Variants in ENDOG observed in about 807,000 individuals in gnomAD.
The protein encoded by ENDOG is endonuclease G.
In ENDOG, 22 loss-of-function variants were observed where a neutral mutation model predicts 22.6. The observed-to-expected ratio is 0.97, with a 90% CI of 0.70 to 1.39. The LOEUF (loss-of-function observed/expected upper bound fraction) is 1.39. ENDOG is among the 40% of genes most tolerant of loss of function. The pLI, the probability that ENDOG is intolerant of heterozygous loss-of-function variation, is 0.00. For synonymous variants in ENDOG, 173 were observed against 200.2 expected (o/e 0.86, Z 1.15); for missense variants, 403 against 431.3 (o/e 0.93, Z 0.58).
Position 128,818,674 on chromosome 9 carries a change from G to A in ENDOG, c.-11G>A. 1.7e-6 allele frequency: 2 copies of A among 1,164,848 alleles called. No individual in the cohort carries two copies. Among genetic ancestry groups the A allele is most frequent in the Non-Finnish European group, 2.1e-6 (2 of 944,976 alleles). The allele number at this position is 1,164,848 out of a possible 1,614,324, so 72.2% of individuals were successfully genotyped here. ...CTCGCGGGTCGCCCGCCGCTAGGTC[G>A]CTCCCCGGCCATGCGGGCGCTGCGG... On this transcript the variant is annotated 5_prime_UTR_variant, in exon 1 of 3. Coordinates refer to ENST00000372642, the MANE Select transcript of ENDOG (RefSeq NM_004435.2).
In ENDOG at chr9:128,818,503, C is replaced by A; in HGVS notation, c.-182C>A. The A allele has an allele frequency of 1.6e-6, 1 of 612,658 alleles. No homozygotes were observed. The highest frequency in any genetic ancestry group is 2.1e-6 in the Non-Finnish European group (1 of 470,996). 38.0% of individuals were successfully genotyped at this position (612,658 alleles called of 1,614,324 possible). A position where few individuals can be genotyped will look rare whatever the true frequency, so the allele number is the denominator to read the frequency against. Reference sequence around the variant, plus strand: ...GCGCAAAGAAAGGACGCCGGGGACACCCGGTTGGGCTCTGCTGCTCCCTTC... The same window carrying A: ...GCGCAAAGAAAGGACGCCGGGGACAACCGGTTGGGCTCTGCTGCTCCCTTC... On this transcript the variant is annotated 5_prime_UTR_variant, in exon 1 of 3. Coordinates refer to ENST00000372642, the MANE Select transcript of ENDOG (RefSeq NM_004435.2).
At position 128,819,085 on chromosome 9, in the gene ENDOG, G is replaced by T; in HGVS notation, c.401G>T (p.Gly134Val). ...YHRATNADYR[G>V]SGFDRGHLAA... ...CGTGCCACCAACGCCGACTACCGCG[G>T]CAGTGGCTTCGACCGCGGTCACCTG... is the stretch of plus-strand genomic sequence containing the variant. Residue 134 changes from glycine (G) to valine (V), a missense_variant, in exon 1 of 3, where the codon GGC becomes GTC. Physicochemically the swap from Gly to Val is moderately radical, Grantham distance 109. Transcript: ENST00000372642. 1 of 1,518,172 alleles carries T rather than the reference G, an allele frequency of 6.6e-7. No homozygotes were observed. Among genetic ancestry groups the T allele is most frequent in the Non-Finnish European group, 8.8e-7 (1 of 1,137,960 alleles). The allele number at this position is 1,518,172 out of a possible 1,614,324, so 94.0% of individuals were successfully genotyped here.
Position 128,818,795 on chromosome 9 carries a change from GGGCCGGCTGCCCGTGCTGCCCGT to G in ENDOG, c.115_137del (p.Arg39GlyfsTer137), listed in dbSNP as rs1487276329. On this transcript the variant is annotated frameshift_variant, in exon 1 of 3. Transcript: ENST00000372642. LOFTEE classifies it high-confidence loss of function. ...ACGCGCGGGCGGCGCCGGGACTGCT[GGGCCGGCTGCCCGTGCTGCCCGT>G]GGCGGCGGCAGCCGAGTTGCCCCCT... 5 of 1,243,968 alleles carry G rather than the reference GGGCCGGCTGCCCGTGCTGCCCGT, an allele frequency of 4.0e-6. No individual in the cohort carries two copies. In the East Asian group the frequency reaches 1.3e-4, roughly 33 times the overall value. The allele number at this position is 1,243,968 out of a possible 1,614,324, so 77.1% of individuals were successfully genotyped here. A position where few individuals can be genotyped will look rare whatever the true frequency, so the allele number is the denominator to read the frequency against.
Position 128,818,705 on chromosome 9 carries a change from C to T in ENDOG, c.21C>T (p.Gly7=), listed in dbSNP as rs1226382280. The part of the protein sequence containing the change: MRALRA[G]LTLASGAGLG... ...CGGCCATGCGGGCGCTGCGGGCCGG[C>T]CTGACCCTGGCGTCGGGCGCGGGGC... is the stretch of plus-strand genomic sequence containing the variant. Residue 7 remains glycine (G), a synonymous_variant, in exon 1 of 3, where the codon GGC becomes GGT. Transcript: ENST00000372642. The T allele has an allele frequency of 5.8e-5, 68 of 1,169,272 alleles. No homozygotes were observed. Among genetic ancestry groups the T allele is most frequent in the Non-Finnish European group, 7.0e-5 (66 of 948,092 alleles). 72.4% of individuals were successfully genotyped at this position (1,169,272 alleles called of 1,614,324 possible).
chr9:128,818,927 C>T lies in ENDOG; in HGVS notation c.243C>T (p.Tyr81=). The change falls in exon 1 of 3, where the codon TAC becomes TAT. Residue 81 remains tyrosine, a synonymous_variant. Coordinates refer to ENST00000372642, the MANE Select transcript of ENDOG (RefSeq NM_004435.2). ...CGCAGCTCAAGAGCCGCGAGTCGTA[C>T]GTGCTGTGCTACGACCCGCGCACCC... ...GLAQLKSRES[Y]VLCYDPRTRG... is the part of the protein sequence containing the mutation. 7 of 1,484,194 alleles carry T rather than the reference C, an allele frequency of 4.7e-6. No individual in the cohort carries two copies. The highest frequency in any genetic ancestry group is 6.2e-6 in the Non-Finnish European group (7 of 1,125,824). The allele number at this position is 1,484,194 out of a possible 1,614,324, so 91.9% of individuals were successfully genotyped here.
intron 2 of ENDOG, chr9:128,821,313 C>T (rs1248178266): frequency 5.5e-6 from 1 of 182,354 alleles, no homozygotes; most frequent in Admixed American, 6.1e-5. Context: ...CCCGCCTTCC[C>T]CATGCAGGTC....
intron 2 of ENDOG, 75 bp downstream of exon 2, chr9:128,820,923 T>C: frequency 4.4e-6 from 6 of 1,375,038 alleles, no homozygotes; most frequent in Non-Finnish European, 6.1e-6. Flanking sequence ...AGGGCCAGGC[T>C]TGCCCCAGGC....
intron 1 of ENDOG, among the ~76,000 whole-genome samples, chr9:128,819,467 G>A (rs541066261): frequency 2.6e-5 from 4 of 152,182 alleles, no homozygotes; most frequent in Non-Finnish European, 5.9e-5. Context: ...TTCCTCCTGC[G>A]GTAGTGATGA....
At position 128,822,331 on chromosome 9, in the gene ENDOG, A is replaced by G. The variant is rs760339620; in HGVS notation, c.615A>G (p.Thr205=). Residue 205 remains threonine, a synonymous_variant, in exon 3 of 3, where the codon ACA becomes ACG. Coordinates refer to ENST00000372642, the MANE Select transcript of ENDOG (RefSeq NM_004435.2). Reference sequence around the variant, plus strand: ...GTGTGCCTGGGTCTGCCCACAGGACAGAGGCTGATGGGAAATCCTACGTAA... The same window carrying G: ...GTGTGCCTGGGTCTGCCCACAGGACGGAGGCTGATGGGAAATCCTACGTAA... ...VCTGPLFLPR[T]EADGKSYVKY... 3.1e-6 allele frequency: 5 copies of G among 1,613,336 alleles called. No individual in the cohort carries two copies. In the South Asian group the frequency reaches 5.5e-5, roughly 18 times the overall value.
intron 2 of ENDOG, chr9:128,822,088 T>C (rs1830130669): frequency 3.5e-6 from 2 of 573,794 alleles, no homozygotes; most frequent in Admixed American, 3.0e-5. Context: ...GCAGCGTTTA[T>C]TGTCGCCCAC....
At position 128,818,949 on chromosome 9, in the gene ENDOG, A is replaced by G; in HGVS notation, c.265A>G (p.Thr89Ala). The stretch of plus-strand genomic sequence containing the variant: ...GTACGTGCTGTGCTACGACCCGCGC[A>G]CCCGCGGCGCGCTCTGGGTGGTGGA... The part of the protein sequence containing the change: ...ESYVLCYDPR[T>A]RGALWVVEQL... Residue 89 changes from threonine to alanine, a missense_variant, in exon 1 of 3, where the codon ACC becomes GCC. Transcript: ENST00000372642. The G allele has an allele frequency of 6.7e-7, 1 of 1,492,018 alleles. No individual in the cohort carries two copies. Among genetic ancestry groups the G allele is most frequent in the Non-Finnish European group, 8.9e-7 (1 of 1,129,096 alleles). The allele number at this position is 1,492,018 out of a possible 1,614,324, so 92.4% of individuals were successfully genotyped here. A position where few individuals can be genotyped will look rare whatever the true frequency, so the allele number is the denominator to read the frequency against.
rs1035934665 is a variant in ENDOG at position 128,819,075 on chromosome 9, G to A, written c.391G>A (p.Asp131Asn). The A allele has an allele frequency of 1.4e-5, 21 of 1,516,850 alleles. No individual in the cohort carries two copies. Among genetic ancestry groups the A allele is most frequent in the Non-Finnish European group, 1.8e-5 (21 of 1,138,408 alleles). 94.0% of individuals were successfully genotyped at this position (1,516,850 alleles called of 1,614,324 possible). A position where few individuals can be genotyped will look rare whatever the true frequency, so the allele number is the denominator to read the frequency against. Residue 131 changes from aspartate to asparagine, a missense_variant, in exon 1 of 3, where the codon GAC becomes AAC. Coordinates refer to ENST00000372642, the MANE Select transcript of ENDOG (RefSeq NM_004435.2). Reference sequence around the variant, plus strand: ...CGCGTACCACCGTGCCACCAACGCCGACTACCGCGGCAGTGGCTTCGACCG... The same window carrying A: ...CGCGTACCACCGTGCCACCAACGCCAACTACCGCGGCAGTGGCTTCGACCG... ...VHAYHRATNA[D>N]YRGSGFDRGH...
chr9:128,820,623 G>A (rs769368347), intron 1 of ENDOG, 116 bp from the exon 2 acceptor site: 88 of 820,956 alleles, frequency 1.1e-4, no homozygotes, highest in Non-Finnish European at 1.5e-4. Flanking sequence ...GTTTCCCCCC[G>A]CTTGTCTCAC....
Position 128,822,594 on chromosome 9 carries a change from C to T in ENDOG, c.878C>T (p.Thr293Met), listed in dbSNP as rs140555834. 29 of 1,569,310 alleles carry T rather than the reference C, an allele frequency of 1.8e-5. No individual in the cohort carries two copies. Among genetic ancestry groups the T allele is most frequent in the African/African-American group, 8.1e-5 (6 of 74,258 alleles). Residue 293 changes from threonine (T) to methionine (M), a missense_variant, in exon 3 of 3, where the codon ACG becomes ATG. Transcript: ENST00000372642. ...LARAGSLKAI[T>M]AGSK Reference sequence around the variant, plus strand: ...CGGGCAGGCAGCCTCAAGGCCATCACGGCGGGCAGTAAGTGAGGGTGGAGC... The same window carrying T: ...CGGGCAGGCAGCCTCAAGGCCATCATGGCGGGCAGTAAGTGAGGGTGGAGC...
At chr9:128,820,355 G>A (rs945393638) in intron 1 of ENDOG, 7 of 198,258 alleles carry the variant, frequency 3.5e-5, no homozygotes, top group East Asian at 1.3e-4. Context: ...GGCATTCCCC[G>A]CTAGGCTCTT....
rs1830049561 is a variant in ENDOG at position 128,818,881 on chromosome 9, A to G, written c.197A>G (p.Lys66Arg). Reference protein sequence around the residue: ...GGPRGPGELAKYGLPGLAQLK... With the variant: ...GGPRGPGELARYGLPGLAQLK... Reference sequence around the variant, plus strand: ...CCCCGCGGCCCGGGCGAGCTGGCCAAGTACGGGCTGCCGGGGCTGGCGCAG... The same window carrying G: ...CCCCGCGGCCCGGGCGAGCTGGCCAGGTACGGGCTGCCGGGGCTGGCGCAG... Residue 66 changes from lysine (K) to arginine (R), a missense_variant, in exon 1 of 3, where the codon AAG (lysine) becomes AGG (arginine). Lys to Arg is a conservative substitution (Grantham distance 26, BLOSUM62 2). Coordinates refer to ENST00000372642, the MANE Select transcript of ENDOG (RefSeq NM_004435.2). 6 of 1,458,562 alleles carry G rather than the reference A, an allele frequency of 4.1e-6. No homozygotes were observed. In the East Asian group the frequency reaches 1.5e-4, roughly 37 times the overall value. 90.4% of individuals were successfully genotyped at this position (1,458,562 alleles called of 1,614,324 possible).
Position 128,822,589 on chromosome 9 carries a change from C to T in ENDOG, c.873C>T (p.Ala291=). ...NILARAGSLK[A]ITAGSK ...TGGCGCGGGCAGGCAGCCTCAAGGC[C>T]ATCACGGCGGGCAGTAAGTGAGGGT... Residue 291 remains alanine (A), a synonymous_variant, in exon 3 of 3, where the codon GCC becomes GCT. Transcript: ENST00000372642. 6.4e-7 allele frequency: 1 copy of T among 1,569,910 alleles called. No individual in the cohort carries two copies. Among genetic ancestry groups the T allele is most frequent in the Non-Finnish European group, 8.6e-7 (1 of 1,157,382 alleles).
chr9:128,819,739 GC>G, intron 1 of ENDOG: 1 of 155,966 alleles, frequency 6.4e-6, no homozygotes, highest in Non-Finnish European at 1.4e-5. Flanking sequence ...ATCCGTGGGA[GC>G]CCTGAGCTTG....
chr9:128,820,321 AGCTCAGGATGGAG>A (rs1285531112), intron 1 of ENDOG: 1 of 166,200 alleles, frequency 6.0e-6, no homozygotes, highest in African/African-American at 2.4e-5. Flanking sequence ...AGGCCTGGAG[AGCTCAGGATGGAG>A]GTCGATTCAT....
Sources: allele counts gnomAD v4.1 joint callset (sites outside exome capture counted in the v4.1 genomes callset), GRCh38; gene constraint gnomAD v4.1.1; transcripts MANE v1.5; gene names NCBI Gene and HGNC (gene_info 2026-07-23, HGNC 2026-07-21).